XRCC5: variants seen among roughly 807,000 people sequenced by gnomAD.
XRCC5 encodes the protein DNA repair protein Ku80.
A neutral mutation model predicts 95.7 loss-of-function variants in XRCC5; 12 were observed. The ratio of observed to expected loss-of-function variants is 0.13; its 90% CI spans 0.08 to 0.20. The LOEUF is 0.20. Ranked by LOEUF, XRCC5 falls within the 10% of genes least tolerant of loss-of-function variation. The probability of loss-of-function intolerance (pLI) is 1.00; values close to 1 mark genes in which losing one functional copy is unlikely to be tolerated. For missense variants in XRCC5, 595 were observed against 873.9 expected, an observed-to-expected ratio of 0.68 and a Z score of 4.02; for synonymous variants, 281 against 290.3, an observed-to-expected ratio of 0.97 and a Z score of 0.33.
At chr2:216,176,413 C>T (rs558576690) in intron 16 of XRCC5, among the ~76,000 whole-genome samples, 24 of 152,286 alleles carry the variant, frequency 1.6e-4, no homozygotes, top group South Asian at 6.2e-4. Context: ...GCCACTGCAC[C>T]GGGCCCAATT....
At chr2:216,141,092 G>C in intron 12 of XRCC5, 94 bp from the exon 13 acceptor site, 1 of 1,479,822 alleles carries the variant, frequency 6.8e-7, no homozygotes, top group Non-Finnish European at 9.3e-7. Flanking sequence ...TGTATAACCT[G>C]CCAATATTGC....
At chr2:216,153,881 C>A (rs991908855) in intron 14 of XRCC5, among the ~76,000 whole-genome samples, 1 of 152,202 alleles carries the variant, frequency 6.6e-6, no homozygotes, top group Non-Finnish European at 1.5e-5. Flanking sequence ...AGCTTAGGTG[C>A]CTGTAGGCCC....
At chr2:216,156,852 G>T (rs1559250410) in intron 14 of XRCC5, 2 of 378,022 alleles carry the variant, frequency 5.3e-6, no homozygotes, top group Non-Finnish European at 1.1e-5. Context: ...GCCAGCAGTG[G>T]GTGCCGCAAA....
intron 15 of XRCC5, among the ~76,000 whole-genome samples, 195 bp from the exon 16 acceptor site, chr2:216,161,784 G>A (rs1226675677): frequency 6.6e-6 from 1 of 152,184 alleles, no homozygotes. Flanking sequence ...AGCACAGAGG[G>A]CAGCTCTTGG....
intron 6 of XRCC5, among the ~76,000 whole-genome samples, chr2:216,123,556 A>G (rs1696853447): frequency 6.6e-6 from 1 of 152,238 alleles, no homozygotes. Context: ...TTGTAATTCC[A>G]GCACTTTGGG....
At chr2:216,163,669 C>CA (rs1688996805) in intron 16 of XRCC5, among the ~76,000 whole-genome samples, 1 of 152,126 alleles carries the variant, frequency 6.6e-6, no homozygotes, top group Admixed American at 6.5e-5. Flanking sequence ...TTACTACTTG[C>CA]AGTCTAGGAA....
chr2:216,202,375 G>A (rs927737018), intron 19 of XRCC5, among the ~76,000 whole-genome samples: 5 of 152,194 alleles, frequency 3.3e-5, no homozygotes, highest in Admixed American at 1.3e-4. Context: ...ATAATAACCC[G>A]GAAAACCCCA....
chr2:216,155,406 T>G (rs1414256219), intron 14 of XRCC5, among the ~76,000 whole-genome samples: 2 of 152,166 alleles, frequency 1.3e-5, no homozygotes, highest in Non-Finnish European at 1.5e-5. Flanking sequence ...TGAAGAGATC[T>G]TCAATCTCAA....
At chr2:216,170,119 T>C (rs1394354162) in intron 16 of XRCC5, among the ~76,000 whole-genome samples, 1 of 149,272 alleles carries the variant, frequency 6.7e-6, no homozygotes, top group East Asian at 2.0e-4. Flanking sequence ...CAGTTAAGGT[T>C]TTCTGGGATC....
chr2:216,194,910 A>G lies in XRCC5; in HGVS notation c.2042-9A>G. Reference sequence around the variant, plus strand: ...GTGTTTTGATTTTACTCTCTGAATTACTTTTTAGATGGAATTACTCTGATC... The same window carrying G: ...GTGTTTTGATTTTACTCTCTGAATTGCTTTTTAGATGGAATTACTCTGATC... On this transcript the variant is annotated splice_polypyrimidine_tract_variant and intron_variant, in intron 18 of 20. Coordinates refer to ENST00000392132, the MANE Select transcript of XRCC5 (RefSeq NM_021141.4). 3.1e-6 allele frequency: 5 copies of G among 1,613,820 alleles called. No individual in the cohort carries two copies. Among genetic ancestry groups the G allele is most frequent in the Non-Finnish European group, 4.2e-6 (5 of 1,179,750 alleles).
chr2:216,151,448 T>G (rs879737247), intron 14 of XRCC5, among the ~76,000 whole-genome samples: 3 of 152,204 alleles, frequency 2.0e-5, no homozygotes, highest in Non-Finnish European at 4.4e-5. Context: ...CCACGAAGAC[T>G]CCTTCTCACT....
At chr2:216,187,821 A>ACACACACACACACACTCT (rs1312215177) in intron 16 of XRCC5, among the ~76,000 whole-genome samples, 1 of 47,970 alleles carries the variant, frequency 2.1e-5, no homozygotes, top group African/African-American at 1.0e-4. Context: ...ACACACACAC[A>ACACACACACACACACTCT]CTCTCTCTCT....
chr2:216,109,518 G>C (rs1574446163), intron 1 of XRCC5, 61 bp downstream of exon 1: 1 of 1,606,234 alleles, frequency 6.2e-7, no homozygotes. Flanking sequence ...AGGGTGGTTC[G>C]GAAGCAGGAA....
In XRCC5 at chr2:216,113,042, G is replaced by T; in HGVS notation, c.48G>T (p.Val16=). ...CAGCTGTTGTGCTGTGTATGGACGT[G>T]GGCTTTACCATGAGTAACTCCATTC... is the stretch of plus-strand genomic sequence containing the variant. ...NKAAVVLCMD[V]GFTMSNSIPG... Residue 16 remains valine (V), a synonymous_variant, in exon 2 of 21, where the codon GTG becomes GTT. Coordinates refer to ENST00000392132, the MANE Select transcript of XRCC5 (RefSeq NM_021141.4). 1 of 1,614,056 alleles carries T rather than the reference G, an allele frequency of 6.2e-7. No individual in the cohort carries two copies. The highest frequency in any genetic ancestry group is 1.3e-5 in the African/African-American group (1 of 75,018).
intron 13 of XRCC5, among the ~76,000 whole-genome samples, chr2:216,142,908 A>G (rs1395080078): frequency 1.3e-5 from 2 of 152,246 alleles, no homozygotes; most frequent in Non-Finnish European, 2.9e-5. Context: ...CTGAATACTC[A>G]TGCCCCTCAG....
At chr2:216,191,586 T>C (rs1316349874) in intron 17 of XRCC5, among the ~76,000 whole-genome samples, 2 of 152,038 alleles carry the variant, frequency 1.3e-5, no homozygotes, top group Non-Finnish European at 2.9e-5. Context: ...AATTTTTGTA[T>C]TTTTAGTAAA....
rs1405234705 is a variant in XRCC5 at position 216,117,744 on chromosome 2, A to G, written c.320-2A>G. 7 of 1,613,986 alleles carry G rather than the reference A, an allele frequency of 4.3e-6. No homozygotes were observed. The highest frequency in any genetic ancestry group is 5.9e-6 in the Non-Finnish European group (7 of 1,179,850). On this transcript the variant is annotated splice_acceptor_variant, in intron 3 of 20. Transcript: ENST00000392132. LOFTEE classifies it high-confidence loss of function. ...TGATATCCCTATCCTTAACTAGCTG[A>G]GTCCTGGATGCACTAATCGTGAGCA...
chr2:216,171,413 T>C (rs1048027746), intron 16 of XRCC5, among the ~76,000 whole-genome samples: 1 of 152,246 alleles, frequency 6.6e-6, no homozygotes, highest in African/African-American at 2.4e-5. Context: ...GGCTGGAGAA[T>C]ATTACCAGCT....
rs199802888 is a variant in XRCC5 at position 216,137,133 on chromosome 2, T to C, written c.1159T>C (p.Leu387=). 6.2e-7 allele frequency: 1 copy of C among 1,614,036 alleles called. No individual in the cohort carries two copies. Among genetic ancestry groups the C allele is most frequent in the Non-Finnish European group, 8.5e-7 (1 of 1,179,924 alleles). Residue 387 remains leucine, a synonymous_variant, in exon 11 of 21, where the codon TTA becomes CTA. Transcript: ENST00000392132. The part of the protein sequence containing the change: ...LSSLIHALDD[L]DMVAIVRYAY... ...CTCCCTGATTCATGCTTTGGATGACTTAGACATGGTGGCCATAGTTCGATA... is the reference window on the plus strand; with the variant it reads ...CTCCCTGATTCATGCTTTGGATGACCTAGACATGGTGGCCATAGTTCGATA...
Sources: gnomAD v4.1 joint callset for allele counts (sites outside exome capture counted in the v4.1 genomes callset) on GRCh38, gnomAD v4.1.1 for gene constraint, MANE v1.5 for transcripts, NCBI Gene and HGNC (gene_info 2026-07-23, HGNC 2026-07-21) for gene names.